The following RBM26 variants were observed in gnomAD, a reference collection of about 807,000 sequenced individuals.
The protein encoded by RBM26 is RNA binding motif protein 26.
A neutral mutation model predicts 123.6 loss-of-function variants in RBM26; 30 were observed. The ratio of observed to expected loss-of-function variants is 0.24; its 90% confidence interval spans 0.18 to 0.33. RBM26 has a LOEUF of 0.33. Ranked by LOEUF, RBM26 falls within the 10% of genes least tolerant of loss-of-function variation. The pLI is 1.00. For missense variants in RBM26, 947 were observed against 1,203.6 expected (o/e 0.79, Z 3.15); for synonymous variants, 400 against 404.4 (o/e 0.99, Z 0.13).
rs1309031750 is a variant in RBM26 at position 79,373,301 on chromosome 13, TA to T, written c.328-1372del. ...ATTTATATATTTATATATAAATATA[TA>T]AAAATATAAATAAATATATATAAAT... On this transcript the variant is annotated intron_variant, in intron 3 of 21. Transcript: ENST00000438737. 5.6e-5 allele frequency among the ~76,000 whole-genome samples: 6 copies of T among 107,226 alleles called. No individual in the cohort carries two copies. In the East Asian group the frequency reaches 1.5e-3, roughly 27 times the overall value. 70.3% of individuals were successfully genotyped at this position (107,226 alleles called of 152,430 possible).
intron 3 of RBM26, among the ~76,000 whole-genome samples, chr13:79,373,639 TTA>T (rs1284411810): frequency 3.7e-5 from 3 of 81,782 alleles, no homozygotes; most frequent in African/African-American, 5.2e-5. Flanking sequence ...CTATATATAT[TTA>T]TATAGTCTAT....
intron 3 of RBM26, among the ~76,000 whole-genome samples, chr13:79,372,808 T>C (rs1373440929): frequency 7.7e-6 from 1 of 130,380 alleles, no homozygotes; most frequent in African/African-American, 3.1e-5. Context: ...AATTATATGA[T>C]ATATATTTAT....
At chr13:79,360,225 A>C (rs1008691474) in intron 9 of RBM26, among the ~76,000 whole-genome samples, 3 of 152,122 alleles carry the variant, frequency 2.0e-5, no homozygotes, top group Non-Finnish European at 4.4e-5. Context: ...TATAGGAAAA[A>C]GCATAGTATA....
At chr13:79,343,444 A>C (rs370551600) in intron 16 of RBM26, among the ~76,000 whole-genome samples, 6 of 151,810 alleles carry the variant, frequency 4.0e-5, no homozygotes, top group African/African-American at 1.4e-4. Context: ...AAGTATTGTG[A>C]TTTTTCTTAA....
chr13:79,361,540 G>A (rs1453341431), intron 9 of RBM26, among the ~76,000 whole-genome samples: 2 of 151,996 alleles, frequency 1.3e-5, no homozygotes, highest in Non-Finnish European at 1.5e-5. Context: ...TTACTTGCTC[G>A]TGCTAAAATC....
At chr13:79,403,779 C>T (rs1220139120) in intron 1 of RBM26, among the ~76,000 whole-genome samples, 1 of 152,138 alleles carries the variant, frequency 6.6e-6, no homozygotes, top group Non-Finnish European at 1.5e-5. Flanking sequence ...TCCAATACAC[C>T]GAAATAGGAC....
chr13:79,368,546 T>C (rs1053879028), intron 6 of RBM26, among the ~76,000 whole-genome samples, 184 bp downstream of exon 6: 2 of 152,198 alleles, frequency 1.3e-5, no homozygotes, highest in Non-Finnish European at 2.9e-5. Context: ...TACCTTTAAA[T>C]TGATAATCAA....
At chr13:79,316,721 G>A (rs545784832), downstream of RBM26, among the ~76,000 whole-genome samples, 1 of 151,792 alleles carries the variant, frequency 6.6e-6, no homozygotes, top group Non-Finnish European at 1.5e-5. Flanking sequence ...TGCTTAAGTA[G>A]AGACACAAAA....
Position 79,355,371 on chromosome 13 carries a change from C to T in RBM26, c.1703G>A (p.Gly568Asp), listed in dbSNP as rs1221385610. Residue 568 changes from glycine to aspartate, a missense_variant, in exon 12 of 22, where the codon GGT becomes GAT. Coordinates refer to ENST00000438737, the MANE Select transcript of RBM26 (RefSeq NM_001366735.2). ...TTGGATTAGGGCACCTTCAGGATCA[C>T]CATTATAAGCAACCTAAGATTTAAA... is the stretch of plus-strand genomic sequence containing the variant. The part of the protein sequence containing the change: ...TLVNLQVAYN[G>D]DPEGALIQFA... 6.8e-6 allele frequency: 11 copies of T among 1,612,738 alleles called. No individual in the cohort carries two copies. In the East Asian group the frequency reaches 2.0e-4, roughly 29 times the overall value.
chr13:79,368,529 T>C (rs1165264082), intron 6 of RBM26, among the ~76,000 whole-genome samples: 1 of 152,164 alleles, frequency 6.6e-6, no homozygotes, highest in Non-Finnish European at 1.5e-5. Flanking sequence ...TACTTGCAAA[T>C]AAATACTACC....
intron 5 of RBM26, among the ~76,000 whole-genome samples, chr13:79,369,917 T>A (rs1257967438): frequency 6.6e-6 from 1 of 152,140 alleles, no homozygotes; most frequent in Non-Finnish European, 1.5e-5. Flanking sequence ...TCCAAAAGAA[T>A]CCTCATGCCC....
chr13:79,373,396 A>AATATAG (rs2076239760), intron 3 of RBM26, among the ~76,000 whole-genome samples: 1 of 82,256 alleles, frequency 1.2e-5, no homozygotes, highest in Non-Finnish European at 2.1e-5. Context: ...AATATATATA[A>AATATAG]TATATATTAT....
chr13:79,369,627 A>G (rs1442986820), intron 5 of RBM26, among the ~76,000 whole-genome samples: 2 of 152,194 alleles, frequency 1.3e-5, no homozygotes, highest in Non-Finnish European at 2.9e-5. Flanking sequence ...GAGTAGCAAA[A>G]AAAGTTTGAG....
At chr13:79,391,993 ATT>A (rs2078044305) in intron 1 of RBM26, among the ~76,000 whole-genome samples, 1 of 88,416 alleles carries the variant, frequency 1.1e-5, no homozygotes, top group Non-Finnish European at 1.9e-5. Flanking sequence ...TATGCAATAC[ATT>A]ATTATATAAT....
intron 12 of RBM26, 66 bp downstream of exon 12, chr13:79,355,154 C>T: frequency 3.4e-6 from 5 of 1,457,626 alleles, no homozygotes; most frequent in Non-Finnish European, 3.8e-6. Context: ...AATGCCTCTA[C>T]TCGTAAACGC....
chr13:79,338,167 G>A (rs954202924), intron 18 of RBM26, among the ~76,000 whole-genome samples: 19 of 152,228 alleles, frequency 1.2e-4, no homozygotes, highest in Non-Finnish European at 1.8e-4. Context: ...AGCCGAGATC[G>A]CGCCACTACA....
chr13:79,389,386 G>A (rs1441765487), intron 1 of RBM26: 1 of 152,172 alleles, frequency 6.6e-6, no homozygotes. Context: ...AGAGGAAGAT[G>A]TTCATTGCAG....
Position 79,368,551 on chromosome 13 carries a change from AATC to A in RBM26, c.895+176_895+178del, listed in dbSNP as rs2075571682. 2.6e-5 allele frequency among the ~76,000 whole-genome samples: 4 copies of A among 152,336 alleles called. No individual in the cohort carries two copies. In the South Asian group the frequency reaches 8.3e-4, roughly 32 times the overall value. On this transcript the variant is annotated intron_variant, in intron 6 of 21. Transcript: ENST00000438737. ...AAATAAATACTACCTTTAAATTGAT[AATC>A]AAATTAGTGGCAACTAATAAATGTT...
At chr13:79,367,422 A>G (rs1230759529) in intron 6 of RBM26, among the ~76,000 whole-genome samples, 1 of 142,798 alleles carries the variant, frequency 7.0e-6, no homozygotes, top group East Asian at 2.0e-4. Flanking sequence ...AAAAAAAAAA[A>G]AAAAAAAAAA....
Sources: gnomAD v4.1 joint callset for allele counts (sites outside exome capture counted in the v4.1 genomes callset) on GRCh38, gnomAD v4.1.1 for gene constraint, MANE v1.5 for transcripts, NCBI Gene and HGNC (gene_info 2026-07-23, HGNC 2026-07-21) for gene names.